CAMTA1: variants seen among roughly 807,000 people sequenced by gnomAD.
The protein encoded by CAMTA1 is calmodulin-binding transcription activator 1.
A neutral mutation model predicts 170.9 loss-of-function variants in CAMTA1; 27 were observed. That is an observed-to-expected ratio of 0.16 (90% CI 0.12 to 0.22). The LOEUF (loss-of-function observed/expected upper bound fraction) is 0.22. Among genes scored for constraint, CAMTA1 ranks in the 10% least tolerant of loss-of-function variants. The pLI, the probability that CAMTA1 is intolerant of heterozygous loss-of-function variation, is 1.00. For synonymous variants in CAMTA1, 833 were observed against 891.5 expected, an observed-to-expected ratio of 0.93 and a Z score of 1.17; for missense variants, 1,619 against 2,217.2, an observed-to-expected ratio of 0.73 and a Z score of 5.42.
intron 3 of CAMTA1, among the ~76,000 whole-genome samples, chr1:7,043,710 C>T (rs973758909): frequency 6.6e-6 from 1 of 152,014 alleles, no homozygotes. Context: ...AGGTTGGTTC[C>T]AGGGAAGCTG....
At chr1:7,679,631 G>A (rs1297545218) in intron 11 of CAMTA1, among the ~76,000 whole-genome samples, 1 of 149,146 alleles carries the variant, frequency 6.7e-6, no homozygotes, top group East Asian at 1.9e-4. Context: ...GTTGAAATAA[G>A]CACCCCTGCA....
chr1:7,001,519 C>T lies in CAMTA1; in HGVS notation c.235-89785C>T, dbSNP rs796790580. Among the ~76,000 whole-genome samples, 12 of 152,328 alleles carry T rather than the reference C, an allele frequency of 7.9e-5. 1 individual carries two copies. The highest frequency in any genetic ancestry group is 2.6e-4 in the African/African-American group (11 of 41,572). ...TATACATTATCAGTCCTGCTTCTGTCCCCTGGAACCACAGAGAATTCCATG... is the reference window on the plus strand; with the variant it reads ...TATACATTATCAGTCCTGCTTCTGTTCCCTGGAACCACAGAGAATTCCATG... On this transcript the variant is annotated intron_variant, in intron 3 of 22. Coordinates refer to ENST00000303635, the MANE Select transcript of CAMTA1 (RefSeq NM_015215.4).
At position 7,235,871 on chromosome 1, in the gene CAMTA1, C is replaced by T. The variant is rs190640290; in HGVS notation, c.303-13620C>T. On this transcript the variant is annotated intron_variant, in intron 4 of 22. Transcript: ENST00000303635. ...TGAAAAGAAGCTGGGATTGGACCGC[C>T]CAAGAAGGAGCTAATCAAATAAAGC... is the stretch of plus-strand genomic sequence containing the variant. Among the ~76,000 whole-genome samples the T allele has an allele frequency of 8.0e-4, 122 of 152,320 alleles. 3 individuals are homozygous for T. The South Asian group carries it at 0.014, about 18-fold the overall frequency.
At chr1:6,786,792 G>C (rs1639528710) in intron 1 of CAMTA1, among the ~76,000 whole-genome samples, 1 of 152,136 alleles carries the variant, frequency 6.6e-6, no homozygotes, top group Admixed American at 6.5e-5. Flanking sequence ...CTGGGTGAGA[G>C]TGGGCGCCCC....
At chr1:7,184,478 C>T (rs1014435061) in intron 4 of CAMTA1, among the ~76,000 whole-genome samples, 1 of 151,748 alleles carries the variant, frequency 6.6e-6, no homozygotes, top group African/African-American at 2.4e-5. Context: ...TGTCTTTGTA[C>T]CCCATGCATA....
intron 3 of CAMTA1, among the ~76,000 whole-genome samples, chr1:6,998,553 C>T (rs905711673): frequency 3.9e-5 from 6 of 152,194 alleles, no homozygotes; most frequent in African/African-American, 1.4e-4. Flanking sequence ...GGAGACCTGC[C>T]CTCAAGGTTT....
At chr1:7,451,530 C>T (rs567294519) in intron 5 of CAMTA1, among the ~76,000 whole-genome samples, 2 of 152,310 alleles carry the variant, frequency 1.3e-5, no homozygotes, top group Admixed American at 1.3e-4. Flanking sequence ...GAGTCCTTAG[C>T]CCCCTGAGCT....
At chr1:7,308,315 A>G (rs533932724) in intron 5 of CAMTA1, among the ~76,000 whole-genome samples, 39 of 151,666 alleles carry the variant, frequency 2.6e-4, no homozygotes, top group African/African-American at 9.2e-4. Context: ...TTTTGCTTTC[A>G]TTGATTTTCT....
chr1:7,284,126 G>GTTGTTC (rs1671910517), intron 5 of CAMTA1, among the ~76,000 whole-genome samples: 1 of 106,938 alleles, frequency 9.4e-6, no homozygotes, highest in Non-Finnish European at 1.9e-5. Context: ...ATTTGCTGCT[G>GTTGTTC]TTCTTCTTCT....
chr1:7,664,986 C>G lies in CAMTA1; in HGVS notation c.2439C>G (p.Pro813=). The G allele has an allele frequency of 6.2e-7, 1 of 1,608,918 alleles. No homozygotes were observed. The change falls in exon 9 of 23, where the codon CCC becomes CCG. Residue 813 remains proline (P), a synonymous_variant. Transcript: ENST00000303635. ...LSQSEDGARA[P]FTQAEMCLPC... ...AGTCAGAGGACGGGGCGCGGGCCCC[C>G]TTCACCCAGGCAGAGATGTGCCTCC...
intron 11 of CAMTA1, among the ~76,000 whole-genome samples, chr1:7,689,311 C>T (rs935807864): frequency 4.0e-5 from 6 of 150,290 alleles, no homozygotes; most frequent in Admixed American, 6.6e-5. Flanking sequence ...CGGTGGCTCA[C>T]ACCTGTAATC....
intron 4 of CAMTA1, among the ~76,000 whole-genome samples, chr1:7,189,946 A>G (rs549683357): frequency 1.2e-3 from 180 of 152,352 alleles, no homozygotes; most frequent in African/African-American, 4.2e-3. Context: ...CCATCTTTTT[A>G]CACCTAGTAA....
At chr1:7,448,114 T>C (rs187118939) in intron 5 of CAMTA1, among the ~76,000 whole-genome samples, 1 of 152,098 alleles carries the variant, frequency 6.6e-6, no homozygotes, top group African/African-American at 2.4e-5. Context: ...AGAGAGGGAG[T>C]CTTGGTGCCC....
intron 6 of CAMTA1, among the ~76,000 whole-genome samples, chr1:7,518,088 T>C (rs1443198551): frequency 6.6e-6 from 1 of 152,004 alleles, no homozygotes; most frequent in African/African-American, 2.4e-5. Context: ...CTGCCAGAGC[T>C]GGATGTGAGA....
chr1:7,456,979 C>T lies in CAMTA1; in HGVS notation c.439-10851C>T, dbSNP rs1022881242. ...TGGAGCGAGGCCCAGCAGAGTTCGG[C>T]GCCGCCCTCCCGTTCCTCCTCCCTC... On this transcript the variant is annotated intron_variant, in intron 5 of 22. Transcript: ENST00000303635. The surrounding 1 kb of genome is among the most constrained non-coding windows in gnomAD (Gnocchi z 4.9). Among the ~76,000 whole-genome samples the T allele has an allele frequency of 6.6e-6, 1 of 151,452 alleles. No individual in the cohort carries two copies. The highest frequency in any genetic ancestry group is 1.5e-5 in the Non-Finnish European group (1 of 67,866).
intron 3 of CAMTA1, among the ~76,000 whole-genome samples, chr1:6,856,150 G>A (rs11582310): frequency 0.074 from 11,285 of 152,140 alleles, 507 homozygotes; most frequent in Non-Finnish European, 0.1. Context: ...TGGAGCAGCT[G>A]CAGGTGCTTG....
chr1:7,049,359 G>A (rs1705926290), intron 3 of CAMTA1, among the ~76,000 whole-genome samples: 1 of 152,126 alleles, frequency 6.6e-6, no homozygotes, highest in Admixed American at 6.5e-5. Flanking sequence ...CCACCTTCAC[G>A]TACATCCTCT....
At chr1:7,468,526 C>T (rs1453772789) in intron 6 of CAMTA1, among the ~76,000 whole-genome samples, 1 of 152,226 alleles carries the variant, frequency 6.6e-6, no homozygotes, top group Non-Finnish European at 1.5e-5. Context: ...GGGAGGCCCA[C>T]CTGGCCTCTT....
At chr1:7,610,472 C>T (rs1052059898) in intron 6 of CAMTA1, among the ~76,000 whole-genome samples, 7 of 152,338 alleles carry the variant, frequency 4.6e-5, no homozygotes, top group South Asian at 4.1e-4. Context: ...CAATCAGCCC[C>T]GTGACCCTCC....
Sources: allele counts gnomAD v4.1 joint callset (sites outside exome capture counted in the v4.1 genomes callset), GRCh38; gene constraint gnomAD v4.1.1; non-coding constraint Gnocchi (gnomAD v3.1); transcripts MANE v1.5; gene names NCBI Gene and HGNC (gene_info 2026-07-23, HGNC 2026-07-21).